SPIRE1: variants seen among roughly 807,000 people sequenced by gnomAD.
SPIRE1 encodes the protein protein spire homolog 1.
In SPIRE1, 40 loss-of-function variants were observed where a neutral mutation model predicts 94.1. The ratio of observed to expected loss-of-function variants is 0.43; its 90% CI spans 0.33 to 0.55. The LOEUF (loss-of-function observed/expected upper bound fraction) is 0.55. Among genes scored for constraint, SPIRE1 ranks in the 20% least tolerant of loss-of-function variants. The pLI is 0.06. For missense variants in SPIRE1, 838 were observed against 975.2 expected, an observed-to-expected ratio of 0.86 and a Z score of 1.87; for synonymous variants, 376 against 371.7, an observed-to-expected ratio of 1.01 and a Z score of -0.13.
chr18:12,526,902 G>C (rs1300004556), intron 4 of SPIRE1, among the ~76,000 whole-genome samples: 1 of 151,974 alleles, frequency 6.6e-6, no homozygotes, highest in African/African-American at 2.4e-5. Flanking sequence ...TAGAGATGGG[G>C]TTTCACCATG....
chr18:12,469,204 T>TTTA (rs567065176), intron 10 of SPIRE1, among the ~76,000 whole-genome samples: 3 of 152,210 alleles, frequency 2.0e-5, no homozygotes, highest in South Asian at 2.1e-4. Flanking sequence ...AATCTTTTTA[T>TTTA]TTATTATTAT....
chr18:12,541,864 AT>A (rs567091150), intron 3 of SPIRE1, among the ~76,000 whole-genome samples: 7 of 150,602 alleles, frequency 4.6e-5, no homozygotes, highest in Admixed American at 4.0e-4. Flanking sequence ...TCAAAAAAAA[AT>A]AAAAAGAAAC....
intron 2 of SPIRE1, among the ~76,000 whole-genome samples, chr18:12,565,532 GC>G (rs2144422016): frequency 6.6e-6 from 1 of 151,950 alleles, no homozygotes; most frequent in African/African-American, 2.4e-5. Context: ...ACACCACCAT[GC>G]CTGGCTAATT....
chr18:12,580,060 G>A (rs2036214374), intron 2 of SPIRE1, among the ~76,000 whole-genome samples: 1 of 152,164 alleles, frequency 6.6e-6, no homozygotes, highest in Non-Finnish European at 1.5e-5. Context: ...GGGTCTTGGT[G>A]AAAACATGAT....
chr18:12,640,048 A>C (rs781700480), intron 1 of SPIRE1, among the ~76,000 whole-genome samples: 3 of 152,184 alleles, frequency 2.0e-5, no homozygotes, highest in Non-Finnish European at 2.9e-5. Context: ...AGACATTATA[A>C]ATCTTAAATA....
At chr18:12,469,727 TA>T (rs1186303039) in intron 10 of SPIRE1, among the ~76,000 whole-genome samples, 2 of 144,304 alleles carry the variant, frequency 1.4e-5, no homozygotes, top group Non-Finnish European at 3.0e-5. Context: ...TATATAAATA[TA>T]ATTATATATT....
At chr18:12,516,662 T>C (rs1441272460) in intron 4 of SPIRE1, among the ~76,000 whole-genome samples, 2 of 152,238 alleles carry the variant, frequency 1.3e-5, no homozygotes. Context: ...ATGTCCTTAA[T>C]AGTCTACAAA....
rs1396203732 is a variant in SPIRE1 at position 12,506,599 on chromosome 18, C to A, written c.850G>T (p.Val284Leu). Residue 284 changes from valine (V) to leucine (L), a missense_variant, in exon 6 of 17, where the codon GTA (valine) becomes TTA (leucine). Transcript: ENST00000409402. ...CGCTCTTGGACCTTCTTAAGTTTTACCCCATTCCTCAAATCCCTCATCACC... is the reference window on the plus strand; with the variant it reads ...CGCTCTTGGACCTTCTTAAGTTTTAACCCATTCCTCAAATCCCTCATCACC... ...VQVMRDLRNG[V>L]KLKKVQERQY... 1 of 1,614,116 alleles carries A rather than the reference C, an allele frequency of 6.2e-7. No individual in the cohort carries two copies. The highest frequency in any genetic ancestry group is 1.7e-5 in the Admixed American group (1 of 60,002).
At chr18:12,478,945 T>C (rs1228883860) in intron 10 of SPIRE1, among the ~76,000 whole-genome samples, 1 of 152,004 alleles carries the variant, frequency 6.6e-6, no homozygotes, top group Non-Finnish European at 1.5e-5. Flanking sequence ...TTGGTATTAC[T>C]ATTACAAAAA....
intron 2 of SPIRE1, among the ~76,000 whole-genome samples, chr18:12,631,182 T>G (rs2037763858): frequency 1.3e-5 from 2 of 152,086 alleles, no homozygotes; most frequent in African/African-American, 4.8e-5. Context: ...GGTTTTAGAC[T>G]CTCTTTACAC....
chr18:12,634,764 G>A (rs765219646), intron 2 of SPIRE1, among the ~76,000 whole-genome samples: 4 of 151,896 alleles, frequency 2.6e-5, no homozygotes, highest in African/African-American at 4.8e-5. Flanking sequence ...GTGAAACCCC[G>A]TCTCTACTAA....
rs1555633383 is a variant in SPIRE1 at position 12,622,421 on chromosome 18, C to CCTTTT, written c.372+12640_372+12641insAAAAG. On this transcript the variant is annotated intron_variant, in intron 2 of 16. Coordinates refer to ENST00000409402, the MANE Select transcript of SPIRE1 (RefSeq NM_001128626.2). ...AAGGGAAAACGGAGCTATGTCCAGT[C>CCTTTT]TTTTTTTTTTTTTTTTTTTGAGACA... Among the ~76,000 whole-genome samples, 5 of 114,854 alleles carry CCTTTT rather than the reference C, an allele frequency of 4.4e-5. No individual in the cohort carries two copies. In the East Asian group the frequency reaches 1.4e-3, roughly 33 times the overall value. 75.3% of individuals were successfully genotyped at this position (114,854 alleles called of 152,430 possible).
chr18:12,641,467 CA>C (rs1292657339), intron 1 of SPIRE1, among the ~76,000 whole-genome samples: 1 of 151,528 alleles, frequency 6.6e-6, no homozygotes, highest in Non-Finnish European at 1.5e-5. Context: ...CTCCAGGGTT[CA>C]AGCGATTCTC....
At chr18:12,615,112 G>A (rs1357885655) in intron 2 of SPIRE1, among the ~76,000 whole-genome samples, 6 of 151,028 alleles carry the variant, frequency 4.0e-5, no homozygotes, top group African/African-American at 1.5e-4. Context: ...ATCACCTGAG[G>A]TCAGGAGTTC....
chr18:12,511,830 T>A (rs1240806190), intron 5 of SPIRE1, among the ~76,000 whole-genome samples: 2 of 152,138 alleles, frequency 1.3e-5, no homozygotes, highest in African/African-American at 4.8e-5. Context: ...GCTCGTGTGA[T>A]CCTTCTAACT....
chr18:12,573,260 G>A (rs539173983), intron 2 of SPIRE1, among the ~76,000 whole-genome samples: 288 of 152,016 alleles, frequency 1.9e-3, no homozygotes, highest in Non-Finnish European at 3.0e-3. Context: ...ATGCCATTAA[G>A]GAACTGCAAA....
chr18:12,486,336 C>T (rs2033040598), intron 8 of SPIRE1, among the ~76,000 whole-genome samples: 1 of 152,004 alleles, frequency 6.6e-6, no homozygotes. Context: ...TTAAAAAAGC[C>T]ATGTTTTAAA....
intron 3 of SPIRE1, among the ~76,000 whole-genome samples, chr18:12,546,009 A>C (rs942659605): frequency 6.6e-6 from 1 of 151,098 alleles, no homozygotes; most frequent in African/African-American, 2.5e-5. Context: ...ATTATTATTG[A>C]GACGGAGTCT....
intron 11 of SPIRE1, among the ~76,000 whole-genome samples, 172 bp from the exon 12 acceptor site, chr18:12,463,665 G>T (rs984463880): frequency 6.6e-5 from 10 of 152,100 alleles, no homozygotes; most frequent in African/African-American, 2.4e-5. Flanking sequence ...TGTTACAGAA[G>T]AATCTTTGCA....
Sources: gnomAD v4.1 joint callset for allele counts (sites outside exome capture counted in the v4.1 genomes callset) on GRCh38, gnomAD v4.1.1 for gene constraint, MANE v1.5 for transcripts, NCBI Gene and HGNC (gene_info 2026-07-23, HGNC 2026-07-21) for gene names.